The following GRIP1 variants were observed in gnomAD, a reference collection of about 807,000 sequenced individuals.
GRIP1 encodes glutamate receptor interacting protein 1.
Under a neutral mutation model 129.9 loss-of-function variants are expected in GRIP1, and 45 were observed. The ratio of observed to expected loss-of-function variants is 0.35; its 90% confidence interval spans 0.27 to 0.44. The LOEUF (loss-of-function observed/expected upper bound fraction) is 0.44, where lower values mean the gene tolerates loss of function less well. GRIP1 is among the 20% of genes least tolerant of loss of function. The probability of loss-of-function intolerance (pLI) is 1.00; values close to 1 mark genes in which losing one functional copy is unlikely to be tolerated. For missense variants in GRIP1, 1,196 were observed against 1,396.8 expected, an observed-to-expected ratio of 0.86 and a Z score of 2.29; for synonymous variants, 530 against 520.8, an observed-to-expected ratio of 1.02 and a Z score of -0.24.
intron 1 of GRIP1, among the ~76,000 whole-genome samples, chr12:66,781,897 A>T (rs1341456471): frequency 1.3e-5 from 2 of 152,216 alleles, no homozygotes; most frequent in African/African-American, 4.8e-5. Flanking sequence ...ATATGCATGT[A>T]CTATATGACC....
At chr12:66,581,810 G>T (rs142809035) in intron 2 of GRIP1, among the ~76,000 whole-genome samples, 34,695 of 151,808 alleles carry the variant, frequency 0.23, 4,225 homozygotes, top group Admixed American at 0.27. Context: ...ATTCACAGCC[G>T]AATTCTACCA....
chr12:66,838,920 T>A (rs771751410), intron 1 of GRIP1, among the ~76,000 whole-genome samples: 65 of 152,208 alleles, frequency 4.3e-4, no homozygotes, highest in Non-Finnish European at 2.6e-4. Context: ...GAAAAAGACA[T>A]TTTAAAGGGC....
intron 15 of GRIP1, among the ~76,000 whole-genome samples, chr12:66,408,037 G>A (rs2057258817): frequency 1.3e-5 from 2 of 152,208 alleles, no homozygotes; most frequent in Admixed American, 1.3e-4. Flanking sequence ...ACCGGGCAGA[G>A]TCCTAAGGCC....
intron 7 of GRIP1, among the ~76,000 whole-genome samples, chr12:66,479,065 GA>G (rs1337509848): frequency 6.8e-6 from 1 of 148,120 alleles, no homozygotes; most frequent in African/African-American, 2.5e-5. Flanking sequence ...AGAAAAAAAA[GA>G]GAAAGAAACT....
chr12:66,758,127 G>A (rs188173675), intron 1 of GRIP1, among the ~76,000 whole-genome samples: 181 of 152,246 alleles, frequency 1.2e-3, no homozygotes, highest in Non-Finnish European at 2.3e-3. Context: ...GTATTAGTTC[G>A]TTTTCATGCT....
At chr12:66,681,725 C>G (rs778364426), upstream of GRIP1, among the ~76,000 whole-genome samples, 1 of 152,122 alleles carries the variant, frequency 6.6e-6, no homozygotes, top group Admixed American at 6.6e-5. Flanking sequence ...CCAATGTGAT[C>G]TGAAGAAGAG....
chr12:66,773,831 C>CT (rs1478321606), intron 1 of GRIP1, among the ~76,000 whole-genome samples: 1 of 152,082 alleles, frequency 6.6e-6, no homozygotes, highest in Middle Eastern at 3.2e-3. Context: ...TTTGGCATGT[C>CT]TTTTCTTTAT....
chr12:66,687,750 C>A (rs2034835538), intron 1 of GRIP1, among the ~76,000 whole-genome samples: 1 of 152,112 alleles, frequency 6.6e-6, no homozygotes, highest in South Asian at 2.1e-4. Flanking sequence ...TCTTGCGGAC[C>A]CACTCTCGGT....
At chr12:66,572,157 G>A (rs1470712345) in intron 2 of GRIP1, among the ~76,000 whole-genome samples, 2 of 152,168 alleles carry the variant, frequency 1.3e-5, no homozygotes, top group Non-Finnish European at 2.9e-5. Flanking sequence ...AACAGCGGAG[G>A]CACATGAACG....
At chr12:66,450,547 TA>T (rs35514475) in intron 11 of GRIP1, among the ~76,000 whole-genome samples, 1 of 151,020 alleles carries the variant, frequency 6.6e-6, no homozygotes, top group African/African-American at 2.4e-5. Context: ...GTTGAGATGA[TA>T]AAAATTATTA....
chr12:66,862,505 C>T (rs1204922658), intron 1 of GRIP1, among the ~76,000 whole-genome samples: 2 of 152,056 alleles, frequency 1.3e-5, no homozygotes, highest in Non-Finnish European at 2.9e-5. Context: ...AAATAGATTC[C>T]TCACTACCCA....
intron 13 of GRIP1, among the ~76,000 whole-genome samples, chr12:66,440,623 C>T (rs1372027693): frequency 6.6e-6 from 1 of 152,202 alleles, no homozygotes; most frequent in Non-Finnish European, 1.5e-5. Context: ...CTTCTACCTT[C>T]TGTCCTGGAC....
intron 4 of GRIP1, among the ~76,000 whole-genome samples, chr12:66,537,116 T>C (rs10219712): frequency 0.14 from 20,779 of 152,142 alleles, 1,520 homozygotes; most frequent in East Asian, 0.24. Flanking sequence ...GTTGATTGCC[T>C]TTTTATTGAA....
chr12:66,627,483 C>G (rs1018321547), intron 1 of GRIP1, among the ~76,000 whole-genome samples: 1 of 152,228 alleles, frequency 6.6e-6, no homozygotes, highest in Non-Finnish European at 1.5e-5. Flanking sequence ...CTGACTGTAG[C>G]AGTTCTCACA....
chr12:66,429,210 G>C (rs569642343), intron 14 of GRIP1, among the ~76,000 whole-genome samples: 12 of 152,162 alleles, frequency 7.9e-5, no homozygotes, highest in Non-Finnish European at 1.8e-4. Flanking sequence ...TTCCAGAGAT[G>C]AGGGGCTGTT....
At chr12:66,535,724 C>G (rs898590433) in intron 4 of GRIP1, among the ~76,000 whole-genome samples, 2 of 152,192 alleles carry the variant, frequency 1.3e-5, no homozygotes, top group African/African-American at 4.8e-5. Context: ...AAAATGACTA[C>G]TAAATCTTTG....
At chr12:66,388,039 G>T (rs1255468400) in intron 19 of GRIP1, among the ~76,000 whole-genome samples, 4 of 150,964 alleles carry the variant, frequency 2.6e-5, no homozygotes, top group African/African-American at 9.7e-5. Context: ...AAAAGGAACT[G>T]AATGAAAGAG....
chr12:66,782,822 G>A lies in GRIP1; in HGVS notation c.-420+21231C>T, dbSNP rs192728031. Among the ~76,000 whole-genome samples the A allele has an allele frequency of 2.6e-5, 4 of 152,274 alleles. No homozygotes were observed. The East Asian group carries it at 5.8e-4, about 22-fold the overall frequency. ...GCTCTCCTCTCCACAAGAGATGATA[G>A]ATAGGTATAACAGTTATCTCCATTT... On this transcript the variant is annotated intron_variant, in intron 1 of 4. Coordinates refer to the GRIP1 transcript ENST00000538373.
chr12:66,924,270 A>C (rs551671657), intron 1 of GRIP1, among the ~76,000 whole-genome samples: 2 of 152,344 alleles, frequency 1.3e-5, no homozygotes, highest in East Asian at 3.9e-4. Context: ...ATATCTGTCA[A>C]TATCACCACA....
Sources: gnomAD v4.1 joint callset for allele counts (sites outside exome capture counted in the v4.1 genomes callset) on GRCh38, gnomAD v4.1.1 for gene constraint, MANE v1.5 for transcripts, NCBI Gene and HGNC (gene_info 2026-07-23, HGNC 2026-07-21) for gene names.